CCDC13: variants seen among roughly 807,000 people sequenced by gnomAD.
The protein encoded by CCDC13 is coiled-coil domain-containing protein 13.
Under a neutral mutation model 87.3 loss-of-function variants are expected in CCDC13, and 70 were observed. The ratio of observed to expected loss-of-function variants is 0.80; its 90% confidence interval spans 0.66 to 0.98. CCDC13 has a LOEUF of 0.98. Ranked by LOEUF, CCDC13 falls within the 50% of genes least tolerant of loss-of-function variation. The pLI is 0.00. For synonymous variants in CCDC13, 317 were observed against 360.3 expected, an observed-to-expected ratio of 0.88 and a Z score of 1.36; for missense variants, 842 against 892.0, an observed-to-expected ratio of 0.94 and a Z score of 0.71.
intron 5 of CCDC13, among the ~76,000 whole-genome samples, chr3:42,748,617 G>A (rs1199588283): frequency 2.0e-5 from 3 of 152,196 alleles, no homozygotes; most frequent in Non-Finnish European, 4.4e-5. Context: ...CAGAGGCTCT[G>A]GGCAGCCCAG....
Position 42,757,046 on chromosome 3 carries a change from CACA to C in CCDC13, c.370+17_370+19del. The C allele has an allele frequency of 6.2e-7, 1 of 1,610,796 alleles. No individual in the cohort carries two copies. Among genetic ancestry groups the C allele is most frequent in the Non-Finnish European group, 8.5e-7 (1 of 1,178,068 alleles). On this transcript the variant is annotated intron_variant, in intron 3 of 15. Coordinates refer to ENST00000310232, the MANE Select transcript of CCDC13 (RefSeq NM_144719.4). ...CCCTGGACTGCAGGGCAAGGACTAT[CACA>C]ACAATGGTGGAGCTACCTGTGAAGG...
chr3:42,742,981 TAGAC>T lies in CCDC13; in HGVS notation c.898_901del (p.Val300IlefsTer15). On this transcript the variant is annotated frameshift_variant, in exon 8 of 16. Coordinates refer to ENST00000310232, the MANE Select transcript of CCDC13 (RefSeq NM_144719.4). LOFTEE classifies it high-confidence loss of function. The stretch of plus-strand genomic sequence containing the variant: ...TGCCGACAGCTTCCTTGGGTCTGGA[TAGAC>T]AGACAACTCATCACTGGCTGTTCCC... The T allele has an allele frequency of 6.2e-7, 1 of 1,614,180 alleles. No homozygotes were observed. Among genetic ancestry groups the T allele is most frequent in the South Asian group, 1.1e-5 (1 of 91,074 alleles).
chr3:42,747,057 C>A, intron 6 of CCDC13, 200 bp downstream of exon 6: 1 of 678,774 alleles, frequency 1.5e-6, no homozygotes, highest in South Asian at 1.6e-5. Flanking sequence ...CTCAGGTAGC[C>A]AGCGACTCTG....
chr3:42,747,093 G>A (rs1415497575), intron 6 of CCDC13, 164 bp downstream of exon 6: 1 of 755,540 alleles, frequency 1.3e-6, no homozygotes, highest in African/African-American at 1.7e-5. Context: ...TGGACCAAGG[G>A]CTGGTGGGAG....
intron 8 of CCDC13, among the ~76,000 whole-genome samples, chr3:42,741,888 G>A (rs1387318794): frequency 1.3e-5 from 2 of 152,198 alleles, no homozygotes; most frequent in Admixed American, 6.5e-5. Flanking sequence ...GCTGGGAGGT[G>A]CAATGTGGTC....
rs534833041 is a variant in CCDC13 at position 42,755,958 on chromosome 3, T to G, written c.370+1108A>C. 1.3e-4 allele frequency among the ~76,000 whole-genome samples: 20 copies of G among 152,262 alleles called. No individual in the cohort carries two copies. The South Asian group carries it at 2.7e-3, about 21-fold the overall frequency. ...CAGCTGAATCTGTAACCAGGCTGAG[T>G]GTAGGCTTCCTTAGCCAGGCTTTGT... On this transcript the variant is annotated intron_variant, in intron 3 of 15. Transcript: ENST00000310232.
intron 3 of CCDC13, 23 bp downstream of exon 3, chr3:42,757,043 T>A (rs559180279): frequency 1.2e-5 from 19 of 1,610,304 alleles, no homozygotes; most frequent in African/African-American, 2.7e-5. Context: ...GGGCAAGGAC[T>A]ATCACAACAA....
At chr3:42,713,072 G>T in intron 14 of CCDC13, 90 bp downstream of exon 14, 1 of 1,435,894 alleles carries the variant, frequency 7.0e-7, no homozygotes, top group Non-Finnish European at 9.5e-7. Context: ...CATGCTCACT[G>T]ATGGGCTGAA....
rs567085460 is a variant in CCDC13 at position 42,765,376 on chromosome 3, A to C, written c.-6-7025T>G. Among the ~76,000 whole-genome samples the C allele has an allele frequency of 5.3e-5, 8 of 152,244 alleles. No individual in the cohort carries two copies. The South Asian group carries it at 8.3e-4, about 16-fold the overall frequency. Reference sequence around the variant, plus strand: ...TGAGGCCAGTGGAGATTTGAAATTAATTATCTGGGCTGTGGCCAGGGTGTC... The same window carrying C: ...TGAGGCCAGTGGAGATTTGAAATTACTTATCTGGGCTGTGGCCAGGGTGTC... On this transcript the variant is annotated intron_variant, in intron 1 of 15. Coordinates refer to ENST00000310232, the MANE Select transcript of CCDC13 (RefSeq NM_144719.4).
intron 8 of CCDC13, among the ~76,000 whole-genome samples, chr3:42,741,524 G>A (rs906195782): frequency 5.3e-5 from 8 of 152,124 alleles, no homozygotes; most frequent in African/African-American, 1.9e-4. Context: ...ATCACCTGAC[G>A]TTAGGAATTT....
At chr3:42,751,883 G>A (rs1476882822) in intron 5 of CCDC13, 53 bp downstream of exon 5, 35 of 1,519,812 alleles carry the variant, frequency 2.3e-5, no homozygotes, top group Non-Finnish European at 2.9e-5. Flanking sequence ...AGGAGGGGAG[G>A]CCCAGGCCCA....
At chr3:42,711,246 CAA>C (rs1174084143) in intron 14 of CCDC13, among the ~76,000 whole-genome samples, 1,061 of 75,290 alleles carry the variant, frequency 0.014, 13 homozygotes, top group African/African-American at 0.057. Flanking sequence ...ACTCTGTCTC[CAA>C]AAAAAAAAAA....
Position 42,758,212 on chromosome 3 carries a change from T to A in CCDC13, c.134A>T (p.Asp45Val), listed in dbSNP as rs1417933269. ...EKELSLKSRA[D>V]DQEEPLEVSD... ...AACCTCCAAGGGCTCCTCTTGGTCGTCAGCTCTGCTTTTGAGGCTCAGTTC... is the reference window on the plus strand; with the variant it reads ...AACCTCCAAGGGCTCCTCTTGGTCGACAGCTCTGCTTTTGAGGCTCAGTTC... The change falls in exon 2 of 16, where the codon GAC (aspartate) becomes GTC (valine). Residue 45 changes from aspartate (D) to valine (V), a missense_variant. Coordinates refer to ENST00000310232, the MANE Select transcript of CCDC13 (RefSeq NM_144719.4). 1.1e-5 allele frequency: 17 copies of A among 1,614,024 alleles called. No homozygotes were observed. Among genetic ancestry groups the A allele is most frequent in the Non-Finnish European group, 1.4e-5 (17 of 1,180,044 alleles).
chr3:42,709,604 AG>A, intron 15 of CCDC13, 79 bp downstream of exon 15: 1 of 1,117,918 alleles, frequency 8.9e-7, no homozygotes, highest in East Asian at 2.4e-5. Context: ...GTGCAAGGGG[AG>A]GGACACAGTC....
At chr3:42,757,262 G>T in intron 2 of CCDC13, 48 bp from the exon 3 acceptor site, 2 of 1,587,654 alleles carry the variant, frequency 1.3e-6, no homozygotes, top group Non-Finnish European at 1.7e-6. Flanking sequence ...AAAGGCCCTG[G>T]TGGGCAGGGG....
At chr3:42,738,379 G>A (rs1412002249) in intron 9 of CCDC13, among the ~76,000 whole-genome samples, 1 of 152,202 alleles carries the variant, frequency 6.6e-6, no homozygotes, top group African/African-American at 2.4e-5. Flanking sequence ...GCTTAGGATT[G>A]TCTTGGCAAT....
Position 42,733,354 on chromosome 3 carries a change from A to T in CCDC13, c.1511+116T>A, listed in dbSNP as rs965956935. 4 of 1,284,898 alleles carry T rather than the reference A, an allele frequency of 3.1e-6. No individual in the cohort carries two copies. The African/African-American group carries it at 4.4e-5, about 14-fold the overall frequency. The allele number at this position is 1,284,898 out of a possible 1,614,324, so 79.6% of individuals were successfully genotyped here. On this transcript the variant is annotated intron_variant, in intron 11 of 15. Transcript: ENST00000310232. Reference sequence around the variant, plus strand: ...GAGGCCCACGTATTGGAAGAACAACAGCATAGTCATCTTAAAATTGCACCT... The same window carrying T: ...GAGGCCCACGTATTGGAAGAACAACTGCATAGTCATCTTAAAATTGCACCT...
intron 5 of CCDC13, among the ~76,000 whole-genome samples, chr3:42,749,492 C>T (rs934188088): frequency 6.6e-6 from 1 of 152,244 alleles, no homozygotes; most frequent in Non-Finnish European, 1.5e-5. Flanking sequence ...TAGGACAACG[C>T]ATGTCAAGGG....
chr3:42,771,858 A>G (rs1700122311), intron 1 of CCDC13, among the ~76,000 whole-genome samples: 1 of 152,244 alleles, frequency 6.6e-6, no homozygotes, highest in Admixed American at 6.5e-5. Context: ...TAACAAATGT[A>G]CCACACCAAT....
Sources: gnomAD v4.1 joint callset for allele counts (sites outside exome capture counted in the v4.1 genomes callset) on GRCh38, gnomAD v4.1.1 for gene constraint, MANE v1.5 for transcripts, NCBI Gene and HGNC (gene_info 2026-07-23, HGNC 2026-07-21) for gene names.